Variants in PRICKLE2 observed in about 807,000 individuals in gnomAD.
The protein encoded by PRICKLE2 is prickle planar cell polarity protein 2, also known as prickle-like protein 2.
Under a neutral mutation model 81.4 loss-of-function variants are expected in PRICKLE2, and 21 were observed. That is an observed-to-expected ratio of 0.26 (90% confidence interval 0.18 to 0.37). The LOEUF (loss-of-function observed/expected upper bound fraction) is 0.37. Among genes scored for constraint, PRICKLE2 ranks in the 10% least tolerant of loss-of-function variants. PRICKLE2 has a pLI of 1.00. For missense variants in PRICKLE2, 940 were observed against 1,109.0 expected (o/e 0.85, Z 2.16); for synonymous variants, 456 against 421.5 (o/e 1.08, Z -1.00).
chr3:64,159,901 C>T, intron 4 of PRICKLE2, 39 bp downstream of exon 4: 1 of 1,612,852 alleles, frequency 6.2e-7, no homozygotes, highest in South Asian at 1.1e-5. Context: ...GAAAAGATGC[C>T]AGAACAATGC....
chr3:64,235,340 T>C (rs1183810002), intron 2 of PRICKLE2, among the ~76,000 whole-genome samples: 4 of 152,230 alleles, frequency 2.6e-5, no homozygotes, highest in Non-Finnish European at 5.9e-5. Context: ...TTTATAATTG[T>C]TGCTTTGAAG....
At chr3:64,179,679 A>G (rs1039645486) in intron 2 of PRICKLE2, among the ~76,000 whole-genome samples, 1 of 152,232 alleles carries the variant, frequency 6.6e-6, no homozygotes, top group African/African-American at 2.4e-5. Flanking sequence ...TTTTCAGGGT[A>G]CAAGTAAAGT....
chr3:64,155,335 A>T (rs2077616187), intron 5 of PRICKLE2, among the ~76,000 whole-genome samples: 1 of 151,138 alleles, frequency 6.6e-6, no homozygotes, highest in South Asian at 2.1e-4. Flanking sequence ...TCAATGTGAT[A>T]CTACTTCATA....
chr3:64,110,983 AAG>A (rs2076836911), intron 7 of PRICKLE2, among the ~76,000 whole-genome samples: 1 of 148,590 alleles, frequency 6.7e-6, no homozygotes, highest in Non-Finnish European at 1.5e-5. Flanking sequence ...AAAAAAAAAA[AAG>A]TGTCTTTCAT....
At chr3:64,227,335 A>G (rs1373961832), upstream of PRICKLE2, among the ~76,000 whole-genome samples, 2 of 152,206 alleles carry the variant, frequency 1.3e-5, no homozygotes, top group Non-Finnish European at 2.9e-5. Context: ...TGGGGCCCCC[A>G]GTAGCCAAGT....
chr3:64,120,192 CT>C (rs1316543052), intron 7 of PRICKLE2, among the ~76,000 whole-genome samples: 2 of 152,112 alleles, frequency 1.3e-5, no homozygotes, highest in Admixed American at 1.3e-4. Context: ...CATGTACCCC[CT>C]GAATCTAAAA....
intron 2 of PRICKLE2, among the ~76,000 whole-genome samples, chr3:64,243,824 G>T (rs2079305725): frequency 6.6e-6 from 1 of 152,114 alleles, no homozygotes; most frequent in Non-Finnish European, 1.5e-5. Context: ...ACTAATTTTG[G>T]TTAGGACCCA....
Position 64,114,669 on chromosome 3 carries a change from G to GAAA in PRICKLE2, c.1661-14747_1661-14745dup, listed in dbSNP as rs34758393. On this transcript the variant is annotated intron_variant, in intron 7 of 7. Transcript: ENST00000638394. ...GAAATAAGACAGGCAGACAAGAATA[G>GAAA]AAAAAAAAAAGAATGAAAAGGAATA... is the stretch of plus-strand genomic sequence containing the variant. Among the ~76,000 whole-genome samples the GAAA allele has an allele frequency of 5.8e-4, 86 of 148,984 alleles. 1 individual carries two copies. Among genetic ancestry groups the GAAA allele is most frequent in the South Asian group, 2.3e-3 (11 of 4,738 alleles).
In PRICKLE2 at chr3:64,098,836, G is replaced by A. The variant is rs1230927866; in HGVS notation, c.*215C>T. 1.7e-6 allele frequency: 1 copy of A among 604,642 alleles called. No individual in the cohort carries two copies. Among genetic ancestry groups the A allele is most frequent in the Non-Finnish European group, 3.0e-6 (1 of 338,974 alleles). The allele number at this position is 604,642 out of a possible 1,614,324, so 37.5% of individuals were successfully genotyped here. A position where few individuals can be genotyped will look rare whatever the true frequency, so the allele number is the denominator to read the frequency against. ...GCCTGGCCTCGATAGAGTCTACTGT[G>A]TTTCCAAAGTGAAATGTGCAAATAA... On this transcript the variant is annotated 3_prime_UTR_variant, in exon 8 of 8. Coordinates refer to ENST00000638394, the MANE Select transcript of PRICKLE2 (RefSeq NM_198859.4).
At chr3:64,210,919 A>C (rs1283110035) in intron 1 of PRICKLE2, among the ~76,000 whole-genome samples, 1 of 152,210 alleles carries the variant, frequency 6.6e-6, no homozygotes, top group Non-Finnish European at 1.5e-5. Flanking sequence ...AAAAGGCCTG[A>C]CAGGGAACAG....
Position 64,153,276 on chromosome 3 carries a change from G to A in PRICKLE2, c.693C>T (p.Gly231=). ...TTCCCTCCTTCATGATGTAGCGCTG[G>A]CCGCCCAGCACTGTCTCACACTCGA... ...CCFECETVLG[G]QRYIMKEGRP... Residue 231 remains glycine (G), a synonymous_variant, in exon 6 of 8, where the codon GGC becomes GGT. Transcript: ENST00000638394. The A allele has an allele frequency of 6.2e-7, 1 of 1,614,170 alleles. No individual in the cohort carries two copies. The highest frequency in any genetic ancestry group is 8.5e-7 in the Non-Finnish European group (1 of 1,180,032).
At chr3:64,183,906 GAT>G (rs1247947375) in intron 2 of PRICKLE2, among the ~76,000 whole-genome samples, 2 of 152,322 alleles carry the variant, frequency 1.3e-5, no homozygotes, top group East Asian at 1.9e-4. Context: ...TATTTACCCT[GAT>G]GTCGTAGGGG....
At chr3:64,102,988 G>C (rs945243374) in intron 7 of PRICKLE2, 1 of 152,098 alleles carries the variant, frequency 6.6e-6, no homozygotes, top group African/African-American at 2.4e-5. Context: ...GCATGCATGT[G>C]AACATGAAAG....
chr3:64,099,981 T>A lies in PRICKLE2; in HGVS notation c.1661-56A>T. The A allele has an allele frequency of 1.3e-6, 2 of 1,558,412 alleles. No individual in the cohort carries two copies. The highest frequency in any genetic ancestry group is 8.8e-7 in the Non-Finnish European group (1 of 1,131,718). ...TAATACAGATGTGCAGCAATGGGTA[T>A]CACTGTCACTGCTGGTCATCTATCT... On this transcript the variant is annotated intron_variant, in intron 7 of 7. Transcript: ENST00000638394. The surrounding 1 kb of genome is among the most constrained non-coding windows in gnomAD (Gnocchi z 4.3).
In PRICKLE2 at chr3:64,095,219, TAAG is replaced by T. The variant is rs896176409; in HGVS notation, c.*3829_*3831del. Reference sequence around the variant, plus strand: ...AAAGAGATTTTTTTGTCCTTTAGCCTAAGAAGTCAGCTTCCTCGAGCCTCCACA... The same window carrying T: ...AAAGAGATTTTTTTGTCCTTTAGCCTAAGTCAGCTTCCTCGAGCCTCCACA... On this transcript the variant is annotated 3_prime_UTR_variant, in exon 8 of 8. Coordinates refer to ENST00000638394, the MANE Select transcript of PRICKLE2 (RefSeq NM_198859.4). The T allele has an allele frequency of 3.9e-4, 60 of 152,226 alleles. No individual in the cohort carries two copies. Among genetic ancestry groups the T allele is most frequent in the African/African-American group, 1.3e-3 (55 of 41,548 alleles). The allele number at this position is 152,226 out of a possible 1,614,324, so 9.4% of individuals were successfully genotyped here.
chr3:64,108,338 G>A (rs1442151497), intron 7 of PRICKLE2, among the ~76,000 whole-genome samples: 5 of 152,088 alleles, frequency 3.3e-5, no homozygotes, highest in African/African-American at 7.2e-5. Context: ...CATGTGTGGC[G>A]GTAGCTTGAT....
intron 2 of PRICKLE2, chr3:64,268,067 C>G (rs1325871133): frequency 6.6e-6 from 1 of 152,260 alleles, no homozygotes; most frequent in Non-Finnish European, 1.5e-5. Flanking sequence ...GGGGGCCCTG[C>G]AGGGGCTCCG....
rs1428298939 is a variant in PRICKLE2 at position 64,160,001 on chromosome 3, T to A, written c.335A>T (p.Asn112Ile). The A allele has an allele frequency of 6.2e-7, 1 of 1,613,992 alleles. No homozygotes were observed. The highest frequency in any genetic ancestry group is 8.5e-7 in the Non-Finnish European group (1 of 1,180,004). The change falls in exon 4 of 8, where the codon AAC becomes ATC. Residue 112 changes from asparagine to isoleucine, a missense_variant. Physicochemically the swap from Asn to Ile is moderately radical, Grantham distance 149. Coordinates refer to ENST00000638394, the MANE Select transcript of PRICKLE2 (RefSeq NM_198859.4). ...KLFSSQRKRE[N>I]LGRGNVRPFP... ...AGGCCTGACATTCCCGCGGCCCAAG[T>A]TTTCGCGTTTCCTCTGGCTGCTGAA...
In PRICKLE2 at chr3:64,224,937, C is replaced by T. The variant is rs150393747; in HGVS notation, c.-68G>A. The T allele has an allele frequency of 0.018, 17,794 of 985,260 alleles. 175 individuals are homozygous for T. The highest frequency in any genetic ancestry group is 0.036 in the South Asian group (758 of 21,258). The allele number at this position is 985,260 out of a possible 1,614,324, so 61.0% of individuals were successfully genotyped here. A position where few individuals can be genotyped will look rare whatever the true frequency, so the allele number is the denominator to read the frequency against. Reference sequence around the variant, plus strand: ...CCAGGGAGGATGAAATGCCCAGTCTCGGAGGAAGCTTCTGCCAGACCCTTG... The same window carrying T: ...CCAGGGAGGATGAAATGCCCAGTCTTGGAGGAAGCTTCTGCCAGACCCTTG... On this transcript the variant is annotated 5_prime_UTR_variant, in exon 1 of 8. Transcript: ENST00000638394.
Sources: allele counts gnomAD v4.1 joint callset (sites outside exome capture counted in the v4.1 genomes callset), GRCh38; gene constraint gnomAD v4.1.1; non-coding constraint Gnocchi (gnomAD v3.1); transcripts MANE v1.5; gene names NCBI Gene and HGNC (gene_info 2026-07-23, HGNC 2026-07-21).